Variants in SIK3 observed in about 807,000 individuals in gnomAD.
SIK3 encodes the protein serine/threonine-protein kinase SIK3.
Under a neutral mutation model 144.2 loss-of-function variants are expected in SIK3, and 28 were observed. That is an observed-to-expected ratio of 0.19 (90% CI 0.14 to 0.27). The LOEUF is 0.27. Among genes scored for constraint, SIK3 ranks in the 10% least tolerant of loss-of-function variants. The pLI is 1.00. For synonymous variants in SIK3, 686 were observed against 676.3 expected, an observed-to-expected ratio of 1.01 and a Z score of -0.22; for missense variants, 1,319 against 1,776.0, an observed-to-expected ratio of 0.74 and a Z score of 4.62.
intron 1 of SIK3, chr11:117,035,647 T>C: frequency 1.6e-6 from 1 of 628,314 alleles, no homozygotes; most frequent in Non-Finnish European, 2.8e-6. Flanking sequence ...CTTGAGCTCC[T>C]AGGCTCAAGC....
chr11:116,979,545 C>A (rs1950068324), intron 1 of SIK3, among the ~76,000 whole-genome samples: 1 of 151,992 alleles, frequency 6.6e-6, no homozygotes, highest in South Asian at 2.1e-4. Context: ...AATTTGGGTC[C>A]TCAATAATTT....
At chr11:116,856,344 T>G (rs1252443820) in intron 21 of SIK3, among the ~76,000 whole-genome samples, 1 of 152,214 alleles carries the variant, frequency 6.6e-6, no homozygotes, top group Non-Finnish European at 1.5e-5. Context: ...GCTCCCAGGC[T>G]GCTAAGGCAG....
In SIK3 at chr11:116,846,402, G is replaced by C; in HGVS notation, c.4104C>G (p.Gly1368=). The change falls in exon 24 of 25, where the codon GGC becomes GGG. Residue 1368 remains glycine, a synonymous_variant. Coordinates refer to ENST00000445177, the MANE Select transcript of SIK3 (RefSeq NM_001366686.3). The surrounding 1 kb of genome is among the most constrained non-coding windows in gnomAD (Gnocchi z 4.1). Reference sequence around the variant, plus strand: ...ACTCACTCTCTGTTTCTTGTTACACGCCTGCCTGCTCCATGCTGAAGGAGA... The same window carrying C: ...ACTCACTCTCTGTTTCTTGTTACACCCCTGCCTGCTCCATGCTGAAGGAGA... The part of the protein sequence containing the change: ...PEVSFSMEQA[G]V The C allele has an allele frequency of 1.2e-6, 2 of 1,614,066 alleles. No individual in the cohort carries two copies. The highest frequency in any genetic ancestry group is 1.7e-6 in the Non-Finnish European group (2 of 1,180,008).
chr11:116,876,045 G>C (rs767769167), intron 8 of SIK3, 36 bp from the exon 9 acceptor site: 1 of 1,610,530 alleles, frequency 6.2e-7, no homozygotes, highest in South Asian at 1.1e-5. Flanking sequence ...ACAAAACCCT[G>C]GTGAAATGGC....
At chr11:116,944,736 T>C (rs776534961) in intron 3 of SIK3, among the ~76,000 whole-genome samples, 3 of 152,178 alleles carry the variant, frequency 2.0e-5, no homozygotes, top group Non-Finnish European at 4.4e-5. Context: ...TCAGTGAATT[T>C]TGTGAATCCT....
chr11:116,922,905 C>CTTTTTT (rs1565455993), intron 4 of SIK3, among the ~76,000 whole-genome samples: 4 of 118,704 alleles, frequency 3.4e-5, no homozygotes, highest in South Asian at 2.9e-4. Flanking sequence ...CTTTTCTTTT[C>CTTTTTT]TCTTTTTTTT....
At chr11:116,883,908 T>TG (rs1944674799) in intron 6 of SIK3, among the ~76,000 whole-genome samples, 1 of 151,940 alleles carries the variant, frequency 6.6e-6, no homozygotes, top group Admixed American at 6.6e-5. Flanking sequence ...CATTCCAGCC[T>TG]GGGTGACAGA....
intron 8 of SIK3, 55 bp downstream of exon 8, chr11:116,876,198 A>G: frequency 6.5e-7 from 1 of 1,542,206 alleles, no homozygotes; most frequent in Non-Finnish European, 8.8e-7. Context: ...AAATGGAAAA[A>G]GCAGGTTAGA....
At chr11:116,932,278 A>T (rs1174105641) in intron 3 of SIK3, among the ~76,000 whole-genome samples, 1 of 152,170 alleles carries the variant, frequency 6.6e-6, no homozygotes, top group Non-Finnish European at 1.5e-5. Flanking sequence ...AAAACTTTTT[A>T]TTTTGAGATA....
At chr11:116,918,448 C>T (rs975590899) in intron 4 of SIK3, among the ~76,000 whole-genome samples, 2 of 151,702 alleles carry the variant, frequency 1.3e-5, no homozygotes, top group East Asian at 3.9e-4. Flanking sequence ...CCCTTTGCTT[C>T]TCTCCCTTTT....
At position 116,858,225 on chromosome 11, in the gene SIK3, G is replaced by A. The variant is rs1943081701; in HGVS notation, c.3240C>T (p.Pro1080=). Residue 1080 remains proline (P), a synonymous_variant, in exon 21 of 25, where the codon CCC becomes CCT. Coordinates refer to ENST00000445177, the MANE Select transcript of SIK3 (RefSeq NM_001366686.3). This position sits in a 1 kb window ranked among gnomAD's most constrained non-coding sequence, Gnocchi z 5.4. ...CTGTCATGCTCTGTCCCCCAAGGCT[G>A]GGAGCCAGACTCCCCGCATCCCCTT... is the stretch of plus-strand genomic sequence containing the variant. The part of the protein sequence containing the change: ...MNQGDAGSLA[P]SLGGQSMTER... The A allele has an allele frequency of 3.7e-6, 6 of 1,614,136 alleles. No individual in the cohort carries two copies. Among genetic ancestry groups the A allele is most frequent in the Non-Finnish European group, 5.1e-6 (6 of 1,180,018 alleles).
chr11:117,009,107 C>A (rs987103058), intron 1 of SIK3, among the ~76,000 whole-genome samples: 1 of 151,670 alleles, frequency 6.6e-6, no homozygotes, highest in African/African-American at 2.4e-5. Flanking sequence ...TAGTGGTGTG[C>A]GCCTGTAATC....
chr11:116,862,809 C>T (rs914099085), intron 16 of SIK3, among the ~76,000 whole-genome samples: 1 of 152,192 alleles, frequency 6.6e-6, no homozygotes, highest in Non-Finnish European at 1.5e-5. Flanking sequence ...CAAGGTGGCT[C>T]ACGCCTGTAA....
chr11:116,970,715 A>G (rs1214150234), intron 1 of SIK3, among the ~76,000 whole-genome samples: 1 of 152,108 alleles, frequency 6.6e-6, no homozygotes, highest in Non-Finnish European at 1.5e-5. Context: ...CAATGATGTG[A>G]TAATAGCTCA....
At chr11:116,982,310 A>G (rs1205914957) in intron 1 of SIK3, among the ~76,000 whole-genome samples, 1 of 148,232 alleles carries the variant, frequency 6.7e-6, no homozygotes, top group Non-Finnish European at 1.5e-5. Context: ...TTTTTTTCAG[A>G]CGGAGTCTCA....
chr11:116,923,481 C>T (rs557246907), intron 4 of SIK3, among the ~76,000 whole-genome samples: 1 of 152,272 alleles, frequency 6.6e-6, no homozygotes, highest in Non-Finnish European at 1.5e-5. Flanking sequence ...GCATTTCTCC[C>T]ACTAGTCCAT....
chr11:116,885,850 TCA>T (rs1015428039), intron 6 of SIK3, among the ~76,000 whole-genome samples: 1 of 152,212 alleles, frequency 6.6e-6, no homozygotes, highest in African/African-American at 2.4e-5. Context: ...TTATCATGCC[TCA>T]GTTTTCTTAT....
chr11:116,954,256 T>C (rs1226134384), intron 2 of SIK3, 149 bp from the exon 3 acceptor site: 3 of 628,696 alleles, frequency 4.8e-6, no homozygotes, highest in Non-Finnish European at 5.5e-6. Context: ...GAAACAAATA[T>C]AAATGTTATT....
rs1162275464 is a variant in SIK3 at position 116,922,804 on chromosome 11, T to C, written c.616+4415A>G. On this transcript the variant is annotated intron_variant, in intron 4 of 24. Transcript: ENST00000445177. The stretch of plus-strand genomic sequence containing the variant: ...TACAGAAAACATGAATCTTTTATAC[T>C]TCCTAATCTGAGTTTTATTAGTTCC... 7.2e-5 allele frequency among the ~76,000 whole-genome samples: 11 copies of C among 152,190 alleles called. 1 individual carries two copies. Among genetic ancestry groups the C allele is most frequent in the Admixed American group, 5.9e-4 (9 of 15,294 alleles).
Sources: gnomAD v4.1 joint callset for allele counts (sites outside exome capture counted in the v4.1 genomes callset) on GRCh38, gnomAD v4.1.1 for gene constraint, Gnocchi (gnomAD v3.1) non-coding constraint, MANE v1.5 for transcripts, NCBI Gene and HGNC (gene_info 2026-07-23, HGNC 2026-07-21) for gene names.